The following STX18 variants were observed in gnomAD, a reference collection of about 807,000 sequenced individuals.
STX18 encodes syntaxin-18.
STX18 carries 40 observed loss-of-function variants against 50.1 expected under a neutral mutation model. That is an observed-to-expected ratio of 0.80 (90% confidence interval 0.62 to 1.04). The LOEUF (loss-of-function observed/expected upper bound fraction) is 1.04, where lower values mean the gene tolerates loss of function less well. STX18 is among the 50% of genes least tolerant of loss of function. The probability of loss-of-function intolerance (pLI) is 0.00; values close to 1 mark genes in which losing one functional copy is unlikely to be tolerated. For missense variants in STX18, 410 were observed against 415.8 expected (o/e 0.99, Z 0.12); for synonymous variants, 158 against 151.8 (o/e 1.04, Z -0.30).
At chr4:4,516,491 G>A (rs150991970) in intron 1 of STX18, among the ~76,000 whole-genome samples, 39 of 152,106 alleles carry the variant, frequency 2.6e-4, no homozygotes, top group African/African-American at 7.5e-4. Context: ...CCTCTTTTCC[G>A]ACAGGAATTG....
At chr4:4,479,395 G>T (rs1027058427) in intron 1 of STX18, among the ~76,000 whole-genome samples, 3 of 152,132 alleles carry the variant, frequency 2.0e-5, no homozygotes, top group Admixed American at 2.0e-4. Flanking sequence ...TCCCATCTGA[G>T]TACAATTAAG....
intron 1 of STX18, among the ~76,000 whole-genome samples, chr4:4,482,481 G>C (rs769540224): frequency 6.6e-6 from 1 of 152,168 alleles, no homozygotes; most frequent in Non-Finnish European, 1.5e-5. Context: ...TTCCAAGTTA[G>C]AACACCTTGG....
chr4:4,515,057 T>C (rs1282739129), intron 1 of STX18, among the ~76,000 whole-genome samples: 1 of 152,184 alleles, frequency 6.6e-6, no homozygotes, highest in Non-Finnish European at 1.5e-5. Flanking sequence ...AAGTTTCACT[T>C]TCTCCATATA....
intron 1 of STX18, among the ~76,000 whole-genome samples, chr4:4,536,680 G>A (rs957435248): frequency 1.3e-5 from 2 of 152,216 alleles, no homozygotes; most frequent in Non-Finnish European, 2.9e-5. Context: ...CAGAGAGGGA[G>A]CAGGGCCAGA....
At chr4:4,480,563 T>A (rs1355100427) in intron 1 of STX18, among the ~76,000 whole-genome samples, 1 of 152,204 alleles carries the variant, frequency 6.6e-6, no homozygotes, top group Non-Finnish European at 1.5e-5. Context: ...TGTTTTCATG[T>A]CTCCCTGACA....
intron 1 of STX18, among the ~76,000 whole-genome samples, chr4:4,475,533 T>C (rs936316105): frequency 2.0e-5 from 3 of 152,034 alleles, no homozygotes; most frequent in Non-Finnish European, 2.9e-5. Context: ...TTGATTTATC[T>C]ACATAGGCAT....
At chr4:4,483,107 T>C (rs1728539182) in intron 1 of STX18, among the ~76,000 whole-genome samples, 1 of 152,108 alleles carries the variant, frequency 6.6e-6, no homozygotes, top group African/African-American at 2.4e-5. Flanking sequence ...ATGAGGCTGG[T>C]TAACAGGGGG....
In STX18 at chr4:4,440,037, G is replaced by A. The variant is rs543344305; in HGVS notation, c.498-1528C>T. On this transcript the variant is annotated intron_variant, in intron 5 of 10. Coordinates refer to ENST00000306200, the MANE Select transcript of STX18 (RefSeq NM_016930.4). Reference sequence around the variant, plus strand: ...GTATTCCATTGCATAAATATATGTTGAATGAATGAGTGCATTATAAATACA... The same window carrying A: ...GTATTCCATTGCATAAATATATGTTAAATGAATGAGTGCATTATAAATACA... Among the ~76,000 whole-genome samples, 3 of 152,276 alleles carry A rather than the reference G, an allele frequency of 2.0e-5. No individual in the cohort carries two copies. In the South Asian group the frequency reaches 6.2e-4, roughly 32 times the overall value.
intron 1 of STX18, chr4:4,507,296 A>T (rs2369119): frequency 0.25 from 178,866 of 717,136 alleles, 29,128 homozygotes; most frequent in African/African-American, 0.68. Context: ...GAGCTGGAAA[A>T]GAACTCGGAC....
At chr4:4,494,329 C>T (rs1445613720) in intron 1 of STX18, among the ~76,000 whole-genome samples, 2 of 152,134 alleles carry the variant, frequency 1.3e-5, no homozygotes, top group Non-Finnish European at 2.9e-5. Context: ...ATTCCCTGAT[C>T]CCTAAGGTCT....
intron 2 of STX18, among the ~76,000 whole-genome samples, chr4:4,462,633 A>G (rs1233249325): frequency 6.6e-6 from 1 of 152,098 alleles, no homozygotes; most frequent in Non-Finnish European, 1.5e-5. Flanking sequence ...AGGCTGAGGC[A>G]GGAGGATCAC....
At chr4:4,434,895 T>C in intron 6 of STX18, 37 bp from the exon 7 acceptor site, 1 of 1,487,494 alleles carries the variant, frequency 6.7e-7, no homozygotes, top group Non-Finnish European at 9.3e-7. Context: ...AGACCAAATA[T>C]GTGTTTTAGA....
chr4:4,485,989 T>C (rs766239778), intron 1 of STX18, among the ~76,000 whole-genome samples: 17 of 152,172 alleles, frequency 1.1e-4, no homozygotes, highest in Admixed American at 7.9e-4. Context: ...GAGTGGTGGA[T>C]GGTCAGCACG....
In STX18 at chr4:4,541,993, G is replaced by A. The variant is rs1392622278; in HGVS notation, c.-29C>T. ...GACCCGCACCCTCAGCCCCACACTAGGCCCGCCCACGTAAGCAGCCGGCGA... is the reference window on the plus strand; with the variant it reads ...GACCCGCACCCTCAGCCCCACACTAAGCCCGCCCACGTAAGCAGCCGGCGA... On this transcript the variant is annotated 5_prime_UTR_variant, in exon 1 of 11. Coordinates refer to ENST00000306200, the MANE Select transcript of STX18 (RefSeq NM_016930.4). 2.6e-6 allele frequency: 4 copies of A among 1,552,534 alleles called. No individual in the cohort carries two copies. The African/African-American group carries it at 4.2e-5, about 16-fold the overall frequency.
At chr4:4,457,601 T>A (rs1727148972) in intron 3 of STX18, 101 bp from the exon 4 acceptor site, 8 of 852,402 alleles carry the variant, frequency 9.4e-6, no homozygotes, top group Non-Finnish European at 1.3e-5. Context: ...GAGTATTTTT[T>A]AAAACACAGC....
intron 1 of STX18, among the ~76,000 whole-genome samples, chr4:4,517,778 C>CT (rs1730343367): frequency 2.0e-5 from 3 of 147,610 alleles, no homozygotes; most frequent in Admixed American, 1.3e-4. Flanking sequence ...TTTTTTTTTT[C>CT]TTTATTTTTT....
chr4:4,461,844 C>CT (rs1727393955), intron 2 of STX18: 33 of 456,008 alleles, frequency 7.2e-5, no homozygotes, highest in Middle Eastern at 6.5e-4. Context: ...CTCTGGCCCC[C>CT]TCGCAGAAAG....
At position 4,477,257 on chromosome 4, in the gene STX18, G is replaced by A. The variant is rs528658919; in HGVS notation, c.169-5551C>T. On this transcript the variant is annotated intron_variant, in intron 1 of 10. Coordinates refer to ENST00000306200, the MANE Select transcript of STX18 (RefSeq NM_016930.4). Reference sequence around the variant, plus strand: ...ACTCGGTCTCAAAACAAAACAAAACGAAACAAAACAAACTCATGTAGTACT... The same window carrying A: ...ACTCGGTCTCAAAACAAAACAAAACAAAACAAAACAAACTCATGTAGTACT... 3.9e-5 allele frequency among the ~76,000 whole-genome samples: 6 copies of A among 152,024 alleles called. No homozygotes were observed. The Middle Eastern group carries it at 0.01, about 260-fold the overall frequency.
intron 1 of STX18, among the ~76,000 whole-genome samples, chr4:4,480,274 T>C (rs1194932432): frequency 6.6e-6 from 1 of 152,218 alleles, no homozygotes; most frequent in Admixed American, 6.5e-5. Context: ...TCTTCCCACA[T>C]ACTTCCTTGA....
Sources: gnomAD v4.1 joint callset for allele counts (sites outside exome capture counted in the v4.1 genomes callset) on GRCh38, gnomAD v4.1.1 for gene constraint, MANE v1.5 for transcripts, NCBI Gene and HGNC (gene_info 2026-07-23, HGNC 2026-07-21) for gene names.